KCNG4: variants seen among roughly 807,000 people sequenced by gnomAD.
KCNG4 encodes voltage-gated potassium channel regulatory subunit KCNG4.
KCNG4 carries 30 observed loss-of-function variants against 28.2 expected under a neutral mutation model. That is an observed-to-expected ratio of 1.06 (90% CI 0.80 to 1.44). The LOEUF is 1.44. Ranked by LOEUF, KCNG4 falls within the 40% of genes most tolerant of loss-of-function variation. The pLI, the probability that KCNG4 is intolerant of heterozygous loss-of-function variation, is 0.00. For synonymous variants in KCNG4, 375 were observed against 315.5 expected (o/e 1.19, Z -2.00); for missense variants, 879 against 712.3 (o/e 1.23, Z -2.66).
Position 84,223,115 on chromosome 16 carries a change from G to A in KCNG4, c.757-95C>T, listed in dbSNP as rs1054842619. 1.4e-5 allele frequency: 14 copies of A among 1,019,862 alleles called. No homozygotes were observed. In the Admixed American group the frequency reaches 1.5e-4, roughly 11 times the overall value. The allele number at this position is 1,019,862 out of a possible 1,614,324, so 63.2% of individuals were successfully genotyped here. A position where few individuals can be genotyped will look rare whatever the true frequency, so the allele number is the denominator to read the frequency against. ...ACTTCATGCCCATGAGCTTTGTGCT[G>A]TAAACTTAGTCGTCCACCAGAACCT... On this transcript the variant is annotated intron_variant, in intron 2 of 2. Coordinates refer to ENST00000308251, the MANE Select transcript of KCNG4 (RefSeq NM_172347.3).
At position 84,222,845 on chromosome 16, in the gene KCNG4, G is replaced by A. The variant is rs772484443; in HGVS notation, c.932C>T (p.Ala311Val). The change falls in exon 3 of 3, where the codon GCG becomes GTG. Residue 311 changes from alanine to valine, a missense_variant. Transcript: ENST00000308251. Reference sequence around the variant, plus strand: ...GTCCTCCGGGGGCTCCTCAGACACCGCCAGCGACACGTAGTATGGGGAGAT... The same window carrying A: ...GTCCTCCGGGGGCTCCTCAGACACCACCAGCGACACGTAGTATGGGGAGAT... Reference protein sequence around the residue: ...LAISPYYVSLAVSEEPPEDGE... With the variant: ...LAISPYYVSLVVSEEPPEDGE... 3.4e-5 allele frequency: 54 copies of A among 1,610,868 alleles called. No individual in the cohort carries two copies. The highest frequency in any genetic ancestry group is 3.2e-4 in the Admixed American group (19 of 59,824).
chr16:84,225,864 C>T (rs1335225927), intron 2 of KCNG4, among the ~76,000 whole-genome samples: 1 of 152,214 alleles, frequency 6.6e-6, no homozygotes, highest in Non-Finnish European at 1.5e-5. Flanking sequence ...TGCTGTGCAT[C>T]CTAAATCCAG....
In KCNG4 at chr16:84,236,828, C is replaced by T. The variant is rs35959859; in HGVS notation, c.658G>A (p.Gly220Arg). ...ATGGAGAGGCAAGCGAAGACCTTCCCGGGCAGCCCGGACTGCGGGTTTTCC... is the reference window on the plus strand; with the variant it reads ...ATGGAGAGGCAAGCGAAGACCTTCCTGGGCAGCCCGGACTGCGGGTTTTCC... Reference protein sequence around the residue: ...MVENPQSGLPGKVFACLSILF... With the variant: ...MVENPQSGLPRKVFACLSILF... The change falls in exon 2 of 3, where the codon GGG becomes AGG. Residue 220 changes from glycine to arginine, a missense_variant. By Grantham distance (125) the Gly-to-Arg change is moderately radical (BLOSUM62 -2). Coordinates refer to ENST00000308251, the MANE Select transcript of KCNG4 (RefSeq NM_172347.3). 1,365 of 1,613,630 alleles carry T rather than the reference C, an allele frequency of 8.5e-4. 10 individuals are homozygous for T. The African/African-American group carries it at 0.016, about 19-fold the overall frequency.
Position 84,237,510 on chromosome 16 carries a change from C to T in KCNG4, c.-25G>A, listed in dbSNP as rs755004044. 2.4e-5 allele frequency: 35 copies of T among 1,463,920 alleles called. No homozygotes were observed. The highest frequency in any genetic ancestry group is 1.9e-4 in the South Asian group (12 of 62,178). 90.7% of individuals were successfully genotyped at this position (1,463,920 alleles called of 1,614,324 possible). On this transcript the variant is annotated 5_prime_UTR_variant, in exon 2 of 3. Transcript: ENST00000308251. ...TTGCTGAAGACCACCAGGTAGGAAG[C>T]GCTGGGTTTACCAGTCTGACACCCA... is the stretch of plus-strand genomic sequence containing the variant.
At chr16:84,227,797 T>C (rs1904731140) in intron 2 of KCNG4, among the ~76,000 whole-genome samples, 1 of 152,026 alleles carries the variant, frequency 6.6e-6, no homozygotes. Flanking sequence ...GAAAACACGA[T>C]GCTGAGTGAA....
intron 2 of KCNG4, among the ~76,000 whole-genome samples, chr16:84,231,238 A>G (rs890725882): frequency 1.3e-5 from 2 of 152,228 alleles, no homozygotes; most frequent in African/African-American, 2.4e-5. Context: ...AAATAGAGGC[A>G]CAGAGAAAGA....
rs953989369 is a variant in KCNG4 at position 84,226,877 on chromosome 16, T to C, written c.757-3857A>G. ...CTGGGCGATAGAGCGAGACTCCGTC[T>C]CAAAGACAAACATACACAAAAGCGG... is the stretch of plus-strand genomic sequence containing the variant. On this transcript the variant is annotated intron_variant, in intron 2 of 2. Transcript: ENST00000308251. This position sits in a 1 kb window ranked among gnomAD's most constrained non-coding sequence, Gnocchi z 4.1. 6.6e-6 allele frequency among the ~76,000 whole-genome samples: 1 copy of C among 151,958 alleles called. No homozygotes were observed. Among genetic ancestry groups the C allele is most frequent in the African/African-American group, 2.4e-5 (1 of 41,384 alleles).
At position 84,220,199 on chromosome 16, in the gene KCNG4, G is replaced by C. The variant is rs1387425585; in HGVS notation, c.*2018C>G. The C allele has an allele frequency of 6.6e-6, 1 of 152,268 alleles. No individual in the cohort carries two copies. The highest frequency in any genetic ancestry group is 2.4e-5 in the African/African-American group (1 of 41,454). 9.4% of individuals were successfully genotyped at this position (152,268 alleles called of 1,614,324 possible). A position where few individuals can be genotyped will look rare whatever the true frequency, so the allele number is the denominator to read the frequency against. ...GAATCTGCCTGTCACTTTGTGGAGT[G>C]GAGTGGCCATCCAGGCTGGGGATTT... On this transcript the variant is annotated 3_prime_UTR_variant, in exon 3 of 3. Transcript: ENST00000308251.
intron 2 of KCNG4, among the ~76,000 whole-genome samples, chr16:84,229,517 C>T (rs1020880521): frequency 6.6e-5 from 10 of 152,218 alleles, no homozygotes; most frequent in Admixed American, 5.9e-4. Context: ...CGGTTCTCCC[C>T]GTGTGGGGAA....
intron 2 of KCNG4, chr16:84,236,443 C>G (rs1251192064): frequency 1.1e-5 from 5 of 470,628 alleles, no homozygotes; most frequent in African/African-American, 1.0e-4. Context: ...AGAGGTGACA[C>G]TGTGTCTGTG....
intron 2 of KCNG4, chr16:84,236,330 G>A (rs985335465): frequency 6.9e-6 from 2 of 291,746 alleles, no homozygotes; most frequent in African/African-American, 4.4e-5. Context: ...TTCACTGGGT[G>A]AGTAAACCTT....
Position 84,236,759 on chromosome 16 carries a change from T to C in KCNG4, c.727A>G (p.Met243Val), listed in dbSNP as rs777819733. The change falls in exon 2 of 3, where the codon ATG becomes GTG. Residue 243 changes from methionine (M) to valine (V), a missense_variant. By Grantham distance (21) the Met-to-Val change is conservative. Coordinates refer to ENST00000308251, the MANE Select transcript of KCNG4 (RefSeq NM_172347.3). ...TTAVSLCVST[M>V]PDLRAEEDQG... Reference sequence around the variant, plus strand: ...TCCTCCTCTGCCCTGAGGTCGGGCATGGTGCTGACACACAGGCTGACGGCT... The same window carrying C: ...TCCTCCTCTGCCCTGAGGTCGGGCACGGTGCTGACACACAGGCTGACGGCT... The C allele has an allele frequency of 2.0e-5, 33 of 1,613,406 alleles. No homozygotes were observed. The highest frequency in any genetic ancestry group is 2.1e-5 in the Non-Finnish European group (25 of 1,179,946).
chr16:84,223,450 C>T (rs1308173856), intron 2 of KCNG4, among the ~76,000 whole-genome samples: 1 of 152,170 alleles, frequency 6.6e-6, no homozygotes, highest in Non-Finnish European at 1.5e-5. Context: ...CGATACTCAC[C>T]TACATCCCTC....
In KCNG4 at chr16:84,222,129, C is replaced by T; in HGVS notation, c.*88G>A. Reference sequence around the variant, plus strand: ...AGTCTTCCCTGGGCTCTAGAAACACCACCAGGTGGTCTATGCGGGGTACCC... The same window carrying T: ...AGTCTTCCCTGGGCTCTAGAAACACTACCAGGTGGTCTATGCGGGGTACCC... On this transcript the variant is annotated 3_prime_UTR_variant, in exon 3 of 3. Coordinates refer to ENST00000308251, the MANE Select transcript of KCNG4 (RefSeq NM_172347.3). The T allele has an allele frequency of 1.5e-6, 2 of 1,347,450 alleles. No individual in the cohort carries two copies. Among genetic ancestry groups the T allele is most frequent in the South Asian group, 1.3e-5 (1 of 76,512 alleles). The allele number at this position is 1,347,450 out of a possible 1,614,324, so 83.5% of individuals were successfully genotyped here.
intron 2 of KCNG4, among the ~76,000 whole-genome samples, chr16:84,229,872 AGCATTC>A (rs1426098756): frequency 2.0e-5 from 3 of 152,248 alleles, no homozygotes; most frequent in African/African-American, 7.2e-5. Context: ...TAGGATAAGA[AGCATTC>A]GCTAGAGCAA....
At chr16:84,239,074 T>C (rs982144522) in intron 1 of KCNG4, among the ~76,000 whole-genome samples, 1 of 152,186 alleles carries the variant, frequency 6.6e-6, no homozygotes. Flanking sequence ...AAAGCATCTA[T>C]AAGCTTACAT....
rs924818861 is a variant in KCNG4, at chr16:84,222,486, C to T, written c.1291G>A (p.Gly431Ser). 6.2e-7 allele frequency: 1 copy of T among 1,613,750 alleles called. No individual in the cohort carries two copies. Among genetic ancestry groups the T allele is most frequent in the African/African-American group, 1.3e-5 (1 of 75,046 alleles). ...ATGCTGCTGAGGGCCACCATCTGGC[C>T]TGGCACACTGCGGGGCACCATGTCC... ...YGDMVPRSVP[G>S]QMVALSSILS... The change falls in exon 3 of 3, where the codon GGC becomes AGC. Residue 431 changes from glycine (G) to serine (S), a missense_variant. Physicochemically the swap from Gly to Ser is moderately conservative, Grantham distance 56 (BLOSUM62 0). Transcript: ENST00000308251.
intron 2 of KCNG4, among the ~76,000 whole-genome samples, chr16:84,227,469 C>T (rs898241217): frequency 2.6e-5 from 4 of 151,974 alleles, no homozygotes; most frequent in South Asian, 2.1e-4. Flanking sequence ...CCTAGCTACT[C>T]GGGAGGCTGA....
rs1276369614 is a variant in KCNG4, at chr16:84,226,437, G to A, written c.757-3417C>T. ...ATACTCACAGGGGAGAGGCTGACACGGGTGCATCCGTTTATTAAATTCTAC... is the reference window on the plus strand; with the variant it reads ...ATACTCACAGGGGAGAGGCTGACACAGGTGCATCCGTTTATTAAATTCTAC... On this transcript the variant is annotated intron_variant, in intron 2 of 2. Transcript: ENST00000308251. The surrounding 1 kb of genome is among the most constrained non-coding windows in gnomAD (Gnocchi z 4.1). Among the ~76,000 whole-genome samples, 5 of 152,236 alleles carry A rather than the reference G, an allele frequency of 3.3e-5. No homozygotes were observed. The highest frequency in any genetic ancestry group is 4.1e-4 in the South Asian group (2 of 4,824).
Sources: gnomAD v4.1 joint callset for allele counts (sites outside exome capture counted in the v4.1 genomes callset) on GRCh38, gnomAD v4.1.1 for gene constraint, Gnocchi (gnomAD v3.1) non-coding constraint, MANE v1.5 for transcripts, NCBI Gene and HGNC (gene_info 2026-07-23, HGNC 2026-07-21) for gene names.